Variants in PTPRN2 observed in about 807,000 individuals in gnomAD.
The protein encoded by PTPRN2 is receptor-type tyrosine-protein phosphatase N2.
A neutral mutation model predicts 118.8 loss-of-function variants in PTPRN2; 74 were observed. The observed-to-expected ratio is 0.62, with a 90% CI of 0.52 to 0.76. The LOEUF is 0.76. Ranked by LOEUF, PTPRN2 falls within the 30% of genes least tolerant of loss-of-function variation. PTPRN2 has a pLI of 0.00. For synonymous variants in PTPRN2, 641 were observed against 608.0 expected, an observed-to-expected ratio of 1.05 and a Z score of -0.80; for missense variants, 1,481 against 1,394.4, an observed-to-expected ratio of 1.06 and a Z score of -0.99.
chr7:158,091,770 ATGGT>A (rs1349361515), intron 10 of PTPRN2, among the ~76,000 whole-genome samples: 4 of 134,724 alleles, frequency 3.0e-5, no homozygotes, highest in East Asian at 2.5e-4. Context: ...GGGTAGAGAG[ATGGT>A]TGGGTGGGTG....
chr7:158,274,340 C>CGGG (rs1554436669), intron 3 of PTPRN2, among the ~76,000 whole-genome samples: 1 of 1,952 alleles, frequency 5.1e-4, no homozygotes, highest in East Asian at 6.3e-3. Context: ...GCCGCAGACG[C>CGGG]GGGAGAGCCA....
chr7:158,388,202 C>A (rs1811653716), intron 2 of PTPRN2, among the ~76,000 whole-genome samples: 1 of 152,234 alleles, frequency 6.6e-6, no homozygotes, highest in African/African-American at 2.4e-5. Flanking sequence ...GCCCCTGGAC[C>A]CTTCCGAGTG....
chr7:158,559,954 TC>T (rs1691992862), intron 1 of PTPRN2, among the ~76,000 whole-genome samples: 1 of 152,228 alleles, frequency 6.6e-6, no homozygotes, highest in South Asian at 2.1e-4. Context: ...CTCCAACAGA[TC>T]CCCAGAATTT....
At chr7:158,075,047 C>T (rs976409069) in intron 11 of PTPRN2, among the ~76,000 whole-genome samples, 4 of 151,910 alleles carry the variant, frequency 2.6e-5, no homozygotes, top group Admixed American at 6.5e-5. Context: ...GTGTTGTCTG[C>T]GCTCAGGGTA....
chr7:158,032,891 T>C (rs1209632828), intron 11 of PTPRN2, among the ~76,000 whole-genome samples: 1 of 152,136 alleles, frequency 6.6e-6, no homozygotes. Flanking sequence ...CTGGGAGAGA[T>C]GAATAGGCTA....
At chr7:158,387,575 T>TAAAG (rs61116708) in intron 2 of PTPRN2, among the ~76,000 whole-genome samples, 94 of 150,882 alleles carry the variant, frequency 6.2e-4, no homozygotes, top group African/African-American at 1.5e-3. Context: ...CCCTGTCAGC[T>TAAAG]CAGCTTGGCC....
At chr7:158,300,183 A>G (rs560115416) in intron 3 of PTPRN2, among the ~76,000 whole-genome samples, 2 of 152,304 alleles carry the variant, frequency 1.3e-5, no homozygotes, top group Admixed American at 6.5e-5. Context: ...ACTGAAGTCC[A>G]TTTCATAGAA....
chr7:158,149,027 CGT>C (rs1280905937), intron 6 of PTPRN2, among the ~76,000 whole-genome samples: 2 of 132,640 alleles, frequency 1.5e-5, no homozygotes, highest in African/African-American at 6.2e-5. Flanking sequence ...TCTCACGCCA[CGT>C]GTCTTTCCCT....
At chr7:158,204,221 G>C (rs1241397969) in intron 4 of PTPRN2, among the ~76,000 whole-genome samples, 2 of 143,472 alleles carry the variant, frequency 1.4e-5, no homozygotes, top group East Asian at 2.2e-4. Flanking sequence ...CGAAGCCCCC[G>C]CCCTCGGTGT....
intron 1 of PTPRN2, among the ~76,000 whole-genome samples, chr7:158,569,073 G>A (rs1827821226): frequency 6.6e-6 from 1 of 152,234 alleles, no homozygotes; most frequent in Non-Finnish European, 1.5e-5. Context: ...GCTACAGTGA[G>A]CTGTGACTAT....
chr7:157,697,872 T>G (rs1638767), intron 12 of PTPRN2, among the ~76,000 whole-genome samples: 1 of 108,752 alleles, frequency 9.2e-6, no homozygotes, highest in Non-Finnish European at 1.9e-5. Context: ...CACCATCTAC[T>G]CATGCATACT....
At chr7:157,792,047 G>C (rs570010604) in intron 12 of PTPRN2, among the ~76,000 whole-genome samples, 1 of 152,264 alleles carries the variant, frequency 6.6e-6, no homozygotes, top group African/African-American at 2.4e-5. Flanking sequence ...CCCTCTGGGG[G>C]TCACACTGCC....
At chr7:158,531,377 A>AT (rs1357599457) in intron 1 of PTPRN2, among the ~76,000 whole-genome samples, 7 of 152,176 alleles carry the variant, frequency 4.6e-5, no homozygotes, top group Non-Finnish European at 8.8e-5. Flanking sequence ...CCATGAACTG[A>AT]TGGGGAAGGG....
chr7:157,635,908 G>A (rs1050327614), intron 14 of PTPRN2, among the ~76,000 whole-genome samples: 1 of 152,190 alleles, frequency 6.6e-6, no homozygotes, highest in Admixed American at 6.5e-5. Flanking sequence ...AGCAGCTCTG[G>A]ACCCTATAAA....
intron 12 of PTPRN2, among the ~76,000 whole-genome samples, chr7:157,726,600 A>G (rs536846658): frequency 2.1e-4 from 32 of 152,380 alleles, no homozygotes; most frequent in African/African-American, 7.7e-4. Flanking sequence ...TTTGGCCACG[A>G]TTTCCTGGAT....
At chr7:158,363,645 A>C (rs545196612) in intron 2 of PTPRN2, among the ~76,000 whole-genome samples, 1 of 152,310 alleles carries the variant, frequency 6.6e-6, no homozygotes, top group Admixed American at 6.5e-5. Context: ...TGAGACAGGC[A>C]GGGTGCCAGA....
intron 12 of PTPRN2, among the ~76,000 whole-genome samples, chr7:157,823,546 A>G (rs938919495): frequency 4.6e-5 from 7 of 152,216 alleles, no homozygotes; most frequent in Non-Finnish European, 8.8e-5. Flanking sequence ...GAATGGAGAG[A>G]CTAGAATTGG....
intron 6 of PTPRN2, among the ~76,000 whole-genome samples, chr7:158,146,290 T>C (rs1171897283): frequency 1.3e-5 from 2 of 152,140 alleles, no homozygotes; most frequent in African/African-American, 4.8e-5. Flanking sequence ...TGTTAACCTA[T>C]ATTTAAAAAA....
intron 12 of PTPRN2, among the ~76,000 whole-genome samples, chr7:157,745,789 C>T (rs147812095): frequency 1.3e-5 from 2 of 152,286 alleles, no homozygotes; most frequent in East Asian, 3.9e-4. Flanking sequence ...TACCCATTTC[C>T]AGGCAGTCGG....
Sources: gnomAD v4.1 joint callset for allele counts (sites outside exome capture counted in the v4.1 genomes callset) on GRCh38, gnomAD v4.1.1 for gene constraint, MANE v1.5 for transcripts, NCBI Gene and HGNC (gene_info 2026-07-23, HGNC 2026-07-21) for gene names.